Variants in NUSAP1 observed in about 807,000 individuals in gnomAD.
NUSAP1 encodes the protein nucleolar and spindle associated protein 1.
In NUSAP1, 32 loss-of-function variants were observed where a neutral mutation model predicts 52.8. The ratio of observed to expected loss-of-function variants is 0.61; its 90% CI spans 0.46 to 0.81. The LOEUF is 0.81. NUSAP1 is among the 40% of genes least tolerant of loss of function. NUSAP1 has a pLI of 0.00. For synonymous variants in NUSAP1, 195 were observed against 183.1 expected (o/e 1.06, Z -0.52); for missense variants, 499 against 522.3 (o/e 0.96, Z 0.43).
At position 41,365,563 on chromosome 15, in the gene NUSAP1, T is replaced by G; in HGVS notation, c.822T>G (p.Ala274=). The change falls in exon 7 of 11, where the codon GCT becomes GCG. Residue 274 remains alanine (A), a synonymous_variant. Transcript: ENST00000559596. Reference sequence around the variant, plus strand: ...TGAAGGGGTCACTCAAGCGCTCTGCTATCTCTGCAGCTAAAACGGGTGTCA... The same window carrying G: ...TGAAGGGGTCACTCAAGCGCTCTGCGATCTCTGCAGCTAAAACGGGTGTCA... ...LGLKGSLKRS[A]ISAAKTGVRF... is the part of the protein sequence containing the mutation. 6.2e-7 allele frequency: 1 copy of G among 1,606,670 alleles called. No homozygotes were observed. Among genetic ancestry groups the G allele is most frequent in the Non-Finnish European group, 8.5e-7 (1 of 1,174,796 alleles).
intron 1 of NUSAP1, among the ~76,000 whole-genome samples, chr15:41,335,300 AAT>A (rs1160316279): frequency 4.1e-5 from 6 of 145,678 alleles, no homozygotes; most frequent in South Asian, 2.1e-4. Context: ...ATAAATATAT[AAT>A]ATATATACTA....
intron 5 of NUSAP1, among the ~76,000 whole-genome samples, chr15:41,356,641 C>T (rs1480612358): frequency 1.3e-5 from 2 of 152,172 alleles, no homozygotes; most frequent in African/African-American, 2.4e-5. Flanking sequence ...GCGTCAGCCA[C>T]TCTGCCTGGC....
chr15:41,372,789 T>C (rs2049753829), intron 8 of NUSAP1, among the ~76,000 whole-genome samples: 2 of 152,064 alleles, frequency 1.3e-5, no homozygotes, highest in African/African-American at 4.8e-5. Context: ...GGCTTCCCCC[T>C]ATGAAAAGAA....
intron 2 of NUSAP1, among the ~76,000 whole-genome samples, chr15:41,344,952 A>G (rs2048506327): frequency 1.3e-5 from 2 of 148,700 alleles, no homozygotes; most frequent in Non-Finnish European, 2.9e-5. Flanking sequence ...GAAAAAAAGA[A>G]AAAAAAACCA....
intron 4 of NUSAP1, 84 bp from the exon 5 acceptor site, chr15:41,355,955 G>C (rs1160793906): frequency 1.3e-6 from 1 of 775,568 alleles, no homozygotes; most frequent in Non-Finnish European, 2.2e-6. Context: ...TGGGATTACA[G>C]GCGTGAGCTA....
chr15:41,366,355 A>G (rs2049413194), intron 7 of NUSAP1, among the ~76,000 whole-genome samples: 1 of 143,238 alleles, frequency 7.0e-6, no homozygotes, highest in African/African-American at 2.6e-5. Flanking sequence ...CAGTGACGAG[A>G]TCTTGACTCA....
intron 10 of NUSAP1, among the ~76,000 whole-genome samples, chr15:41,378,944 GTTT>G (rs1187469450): frequency 2.8e-4 from 18 of 63,254 alleles, no homozygotes; most frequent in Non-Finnish European, 3.8e-4. Context: ...ACTTATCTTG[GTTT>G]TTTTTTTTTT....
At position 41,336,648 on chromosome 15, in the gene NUSAP1, G is replaced by GTTT. The variant is rs75426159; in HGVS notation, c.93+3617_93+3619dup. Among the ~76,000 whole-genome samples the GTTT allele has an allele frequency of 5.8e-4, 53 of 91,336 alleles. 2 individuals are homozygous for GTTT. The highest frequency in any genetic ancestry group is 1.3e-3 in the African/African-American group (32 of 24,952). The allele number at this position is 91,336 out of a possible 152,430, so 59.9% of individuals were successfully genotyped here. A position where few individuals can be genotyped will look rare whatever the true frequency, so the allele number is the denominator to read the frequency against. On this transcript the variant is annotated intron_variant, in intron 1 of 10. Coordinates refer to ENST00000559596, the MANE Select transcript of NUSAP1 (RefSeq NM_016359.5). Reference sequence around the variant, plus strand: ...TGGGCATTTGATCCTCCTCCTTTTGGTTTTTTTTTTTTTTTTTTTTTGAGA... The same window carrying GTTT: ...TGGGCATTTGATCCTCCTCCTTTTGGTTTTTTTTTTTTTTTTTTTTTTTTGAGA...
At chr15:41,343,775 G>A (rs2048453261) in intron 2 of NUSAP1, among the ~76,000 whole-genome samples, 2 of 151,866 alleles carry the variant, frequency 1.3e-5, no homozygotes, top group African/African-American at 4.8e-5. Context: ...ACAGGTGTGA[G>A]CCACCGCACC....
At chr15:41,374,579 G>A (rs1202456426) in intron 8 of NUSAP1, among the ~76,000 whole-genome samples, 1 of 152,152 alleles carries the variant, frequency 6.6e-6, no homozygotes, top group Admixed American at 6.5e-5. Flanking sequence ...CCAGGCTGGA[G>A]TGCTGTGGTG....
chr15:41,348,186 C>T (rs557798360), intron 2 of NUSAP1, among the ~76,000 whole-genome samples: 2 of 152,264 alleles, frequency 1.3e-5, no homozygotes, highest in African/African-American at 4.8e-5. Flanking sequence ...CAAAATATAA[C>T]TCCTGGCTTA....
At chr15:41,368,725 A>ATTTTTTTTTTTTT (rs2049523565) in intron 7 of NUSAP1, among the ~76,000 whole-genome samples, 1 of 100,116 alleles carries the variant, frequency 1.0e-5, no homozygotes. Context: ...TTTTTATTTT[A>ATTTTTTTTTTTTT]TTCTTTTTTT....
chr15:41,351,191 A>G, intron 4 of NUSAP1, 62 bp downstream of exon 4: 2 of 1,532,778 alleles, frequency 1.3e-6, no homozygotes, highest in Non-Finnish European at 1.8e-6. Context: ...AGAAGTAGCC[A>G]GGTACATTAA....
In NUSAP1 at chr15:41,335,058, G is replaced by A. The variant is rs181664537; in HGVS notation, c.93+2008G>A. Among the ~76,000 whole-genome samples the A allele has an allele frequency of 2.4e-4, 37 of 151,912 alleles. No homozygotes were observed. The East Asian group carries it at 2.7e-3, about 11-fold the overall frequency. On this transcript the variant is annotated intron_variant, in intron 1 of 10. Coordinates refer to ENST00000559596, the MANE Select transcript of NUSAP1 (RefSeq NM_016359.5). ...TTAGGTTTGAAATTTTCCATAATAAGATGTTTTAAATTATTAACTTGGTAC... is the reference window on the plus strand; with the variant it reads ...TTAGGTTTGAAATTTTCCATAATAAAATGTTTTAAATTATTAACTTGGTAC...
At chr15:41,376,273 C>T (rs767140780) in intron 9 of NUSAP1, among the ~76,000 whole-genome samples, 8 of 151,808 alleles carry the variant, frequency 5.3e-5, no homozygotes, top group Non-Finnish European at 8.8e-5. Flanking sequence ...GGTGGCGGCG[C>T]CTGTAATCCC....
intron 6 of NUSAP1, among the ~76,000 whole-genome samples, chr15:41,360,692 G>A (rs2049137748): frequency 6.7e-6 from 1 of 149,900 alleles, no homozygotes; most frequent in Admixed American, 6.6e-5. Context: ...CCTGACTTCA[G>A]GTGATCCACC....
intron 2 of NUSAP1, among the ~76,000 whole-genome samples, chr15:41,345,026 G>A (rs1253156454): frequency 6.6e-6 from 1 of 151,946 alleles, no homozygotes; most frequent in Non-Finnish European, 1.5e-5. Context: ...TTTTGAGACA[G>A]GGTCTCACTC....
chr15:41,349,444 A>G, intron 3 of NUSAP1: 1 of 483,136 alleles, frequency 2.1e-6, no homozygotes, highest in Non-Finnish European at 3.7e-6. Flanking sequence ...CTTTTTAAGT[A>G]TTAAGCTCAC....
chr15:41,368,326 T>A (rs2049505496), intron 7 of NUSAP1, among the ~76,000 whole-genome samples: 1 of 152,156 alleles, frequency 6.6e-6, no homozygotes, highest in South Asian at 2.1e-4. Context: ...TCAGATATTC[T>A]TCATTTTATT....
Sources: gnomAD v4.1 joint callset for allele counts (sites outside exome capture counted in the v4.1 genomes callset) on GRCh38, gnomAD v4.1.1 for gene constraint, MANE v1.5 for transcripts, NCBI Gene and HGNC (gene_info 2026-07-23, HGNC 2026-07-21) for gene names.